Variants in CTIF observed in about 807,000 individuals in gnomAD.
CTIF encodes the protein CBP80/20-dependent translation initiation factor.
Under a neutral mutation model 66.0 loss-of-function variants are expected in CTIF, and 21 were observed. That is an observed-to-expected ratio of 0.32 (90% confidence interval 0.23 to 0.46). CTIF has a LOEUF of 0.46. Among genes scored for constraint, CTIF ranks in the 20% least tolerant of loss-of-function variants. The pLI, the probability that CTIF is intolerant of heterozygous loss-of-function variation, is 1.00. For missense variants in CTIF, 739 were observed against 812.7 expected (o/e 0.91, Z 1.10); for synonymous variants, 345 against 326.4 (o/e 1.06, Z -0.62).
chr18:48,636,677 C>G lies in CTIF; in HGVS notation c.244C>G (p.Pro82Ala). ...TTCCTTCTCCCGAGGGCGAGCCCCC[C>G]CACAGCAGGTAGGGAACCAGCTCTG... ...SCSFSRGRAP[P>A]QQNGSKDNSL... Residue 82 changes from proline (P) to alanine (A), a missense_variant, in exon 3 of 12, where the codon CCA becomes GCA. Around this residue, in one of 2 missense-constraint regions of CTIF, gnomAD observed 529 missense variants for 520.3 expected, o/e 1.02. Coordinates refer to ENST00000256413, the MANE Select transcript of CTIF (RefSeq NM_014772.3). 12 of 1,598,962 alleles carry G rather than the reference C, an allele frequency of 7.5e-6. No homozygotes were observed. Among genetic ancestry groups the G allele is most frequent in the African/African-American group, 2.7e-5 (2 of 74,444 alleles).
chr18:48,834,345 A>G (rs995539829), intron 10 of CTIF, among the ~76,000 whole-genome samples: 2 of 152,228 alleles, frequency 1.3e-5, no homozygotes, highest in Non-Finnish European at 2.9e-5. Context: ...TAATTTGTAT[A>G]TGTCACAAAA....
At chr18:48,583,437 C>T (rs537686896) in intron 1 of CTIF, among the ~76,000 whole-genome samples, 4 of 152,040 alleles carry the variant, frequency 2.6e-5, no homozygotes, top group East Asian at 3.8e-4. Context: ...GAGTTCAGGT[C>T]GCATTATTCT....
chr18:48,772,459 C>T (rs189991681), intron 9 of CTIF, among the ~76,000 whole-genome samples: 77 of 109,508 alleles, frequency 7.0e-4, no homozygotes, highest in Admixed American at 1.4e-3. Context: ...AAACAAAAGC[C>T]ATGTACCCAC....
intron 1 of CTIF, among the ~76,000 whole-genome samples, chr18:48,558,299 A>G (rs1212257304): frequency 6.6e-6 from 1 of 152,278 alleles, no homozygotes; most frequent in Non-Finnish European, 1.5e-5. Flanking sequence ...GGGAGTATTC[A>G]GTATTGCTCT....
intron 9 of CTIF, among the ~76,000 whole-genome samples, chr18:48,774,869 G>A (rs1027607079): frequency 2.0e-5 from 3 of 152,186 alleles, no homozygotes; most frequent in Admixed American, 2.0e-4. Flanking sequence ...ATCGGAATAA[G>A]TGCATTCTTG....
intron 6 of CTIF, among the ~76,000 whole-genome samples, chr18:48,684,206 T>G (rs8095632): frequency 0.32 from 48,417 of 152,052 alleles, 10,032 homozygotes; most frequent in African/African-American, 0.59. Context: ...GGCGACCTCA[T>G]GCCTTCATGG....
At chr18:48,754,909 C>T (rs555005862) in intron 7 of CTIF, among the ~76,000 whole-genome samples, 1 of 152,370 alleles carries the variant, frequency 6.6e-6, no homozygotes, top group Admixed American at 6.5e-5. Flanking sequence ...TGATTTCTTT[C>T]TGGAGCCCCT....
At chr18:48,808,746 C>G (rs1434367294) in intron 9 of CTIF, among the ~76,000 whole-genome samples, 3 of 152,290 alleles carry the variant, frequency 2.0e-5, no homozygotes, top group East Asian at 3.9e-4. Context: ...TGATCTAGCT[C>G]TCCATTCGGA....
At chr18:48,737,096 C>T (rs922817588) in intron 7 of CTIF, among the ~76,000 whole-genome samples, 4 of 152,138 alleles carry the variant, frequency 2.6e-5, no homozygotes, top group Non-Finnish European at 5.9e-5. Flanking sequence ...ATGGCCCCTG[C>T]ATGATGAGAG....
Position 48,801,258 on chromosome 18 carries a change from C to T in CTIF, c.1372-15963C>T, listed in dbSNP as rs575755745. The stretch of plus-strand genomic sequence containing the variant: ...GCAGAAATGGCAGGCACAACAGTCA[C>T]TTCCTGGTCTATAACCCCATATGGT... On this transcript the variant is annotated intron_variant, in intron 9 of 11. Coordinates refer to ENST00000256413, the MANE Select transcript of CTIF (RefSeq NM_014772.3). Among the ~76,000 whole-genome samples the T allele has an allele frequency of 5.2e-4, 79 of 152,326 alleles. 1 individual carries two copies. In the South Asian group the frequency reaches 8.9e-3, roughly 17 times the overall value.
chr18:48,663,816 A>G lies in CTIF; in HGVS notation c.317A>G (p.Asp106Gly). ...GTDIWAANTF[D>G]SFSGATWDLQ... ...GACATCTGGGCGGCCAACACCTTCG[A>G]TTCCTTCAGGTAACCTCCTCCTCCC... is the stretch of plus-strand genomic sequence containing the variant. The change falls in exon 4 of 12, where the codon GAT (aspartate) becomes GGT (glycine). Residue 106 changes from aspartate (D) to glycine (G), a missense_variant. Asp to Gly is a moderately conservative substitution (Grantham distance 94, BLOSUM62 -1). Transcript: ENST00000256413. 2 of 1,614,086 alleles carry G rather than the reference A, an allele frequency of 1.2e-6. No homozygotes were observed. The highest frequency in any genetic ancestry group is 1.7e-6 in the Non-Finnish European group (2 of 1,179,954).
At chr18:48,807,073 G>A (rs934713877) in intron 9 of CTIF, among the ~76,000 whole-genome samples, 2 of 152,192 alleles carry the variant, frequency 1.3e-5, no homozygotes, top group African/African-American at 4.8e-5. Flanking sequence ...CTAGAGGAAT[G>A]GCTTGTTTCG....
intron 7 of CTIF, among the ~76,000 whole-genome samples, chr18:48,749,877 G>A (rs1486405483): frequency 3.9e-5 from 6 of 152,210 alleles, no homozygotes; most frequent in Admixed American, 6.5e-5. Context: ...GAGGGTCCAT[G>A]GGCCGGATCT....
chr18:48,561,690 GGAAGTGTGTCTATATTCTGAAT>G (rs2145618074), intron 1 of CTIF, among the ~76,000 whole-genome samples: 1 of 152,300 alleles, frequency 6.6e-6, no homozygotes, highest in Non-Finnish European at 1.5e-5. Context: ...AGAACACAGT[GGAAGTGTGTCTATATTCTGAAT>G]GAACTGTTGA....
rs1372291356 is a variant in CTIF at position 48,859,873 on chromosome 18, G to A, written c.*314G>A. ...CTCCCCATCAGACCCATCCCCCACG[G>A]AGCTTTGTGTGAGGGATCTCATCGC... On this transcript the variant is annotated 3_prime_UTR_variant, in exon 12 of 12. Coordinates refer to ENST00000256413, the MANE Select transcript of CTIF (RefSeq NM_014772.3). The A allele has an allele frequency of 1.2e-5, 7 of 561,072 alleles. No individual in the cohort carries two copies. Among genetic ancestry groups the A allele is most frequent in the South Asian group, 1.1e-4 (7 of 65,520 alleles). The allele number at this position is 561,072 out of a possible 1,614,324, so 34.8% of individuals were successfully genotyped here. A position where few individuals can be genotyped will look rare whatever the true frequency, so the allele number is the denominator to read the frequency against.
Position 48,758,406 on chromosome 18 carries a change from G to C in CTIF, c.1071+1G>C. 1 of 1,569,124 alleles carries C rather than the reference G, an allele frequency of 6.4e-7. No individual in the cohort carries two copies. The highest frequency in any genetic ancestry group is 8.6e-7 in the Non-Finnish European group (1 of 1,159,998). Reference sequence around the variant, plus strand: ...ACTGCGGCGAAGGCTAAAGGAAAAGGTACCGGTAATTGAATTTTTGTTCTT... The same window carrying C: ...ACTGCGGCGAAGGCTAAAGGAAAAGCTACCGGTAATTGAATTTTTGTTCTT... On this transcript the variant is annotated splice_donor_variant, in intron 8 of 11. Coordinates refer to ENST00000256413, the MANE Select transcript of CTIF (RefSeq NM_014772.3). LOFTEE classifies it high-confidence loss of function.
At chr18:48,772,726 AT>A (rs1910289635) in intron 9 of CTIF, among the ~76,000 whole-genome samples, 1 of 151,962 alleles carries the variant, frequency 6.6e-6, no homozygotes, top group Non-Finnish European at 1.5e-5. Context: ...TTGTTTATCC[AT>A]TTATCTGTCA....
At chr18:48,702,911 G>GA (rs111452633) in intron 6 of CTIF, among the ~76,000 whole-genome samples, 3,828 of 145,078 alleles carry the variant, frequency 0.026, 163 homozygotes, top group African/African-American at 0.089. Context: ...TAACTTCTTA[G>GA]AAAAAAAAAA....
intron 6 of CTIF, among the ~76,000 whole-genome samples, chr18:48,689,964 T>C (rs1256042995): frequency 1.3e-5 from 2 of 152,158 alleles, no homozygotes; most frequent in Admixed American, 6.5e-5. Flanking sequence ...ACTTACATCA[T>C]AGAAAAATAA....
Sources: gnomAD v4.1 joint callset for allele counts (sites outside exome capture counted in the v4.1 genomes callset) on GRCh38, gnomAD v4.1.1 for gene constraint, gnomAD v4.1.1 regional missense constraint, MANE v1.5 for transcripts, NCBI Gene and HGNC (gene_info 2026-07-23, HGNC 2026-07-21) for gene names.